SLC35F4: variants seen among roughly 807,000 people sequenced by gnomAD.
SLC35F4 encodes solute carrier family 35 member F4, also known as chromosome 14 open reading frame 36.
SLC35F4 carries 24 observed loss-of-function variants against 44.2 expected under a neutral mutation model. The ratio of observed to expected loss-of-function variants is 0.54; its 90% CI spans 0.39 to 0.76. The LOEUF is 0.76. Among genes scored for constraint, SLC35F4 ranks in the 30% least tolerant of loss-of-function variants. The pLI is 0.00. For synonymous variants in SLC35F4, 238 were observed against 223.6 expected (o/e 1.06, Z -0.57); for missense variants, 562 against 586.1 (o/e 0.96, Z 0.42).
rs116877026 is a variant in SLC35F4, at chr14:57,592,124, T to C, written c.289+1815A>G. Among the ~76,000 whole-genome samples, 815 of 152,360 alleles carry C rather than the reference T, an allele frequency of 5.3e-3. 7 individuals are homozygous for C. Among genetic ancestry groups the C allele is most frequent in the Middle Eastern group, 0.017 (5 of 294 alleles). On this transcript the variant is annotated intron_variant, in intron 2 of 7. Transcript: ENST00000556826. The stretch of plus-strand genomic sequence containing the variant: ...TAGTCCTGCTTAGATTTTGTTATCA[T>C]TAAAATTGTTTTACCAGGATTCTAT...
At chr14:57,938,292 G>A (rs780376322) in intron 1 of SLC35F4, among the ~76,000 whole-genome samples, 2 of 152,028 alleles carry the variant, frequency 1.3e-5, no homozygotes, top group Non-Finnish European at 2.9e-5. Context: ...AAACAAAGGG[G>A]TAATATAAGA....
chr14:57,948,158 C>G (rs1283936280), intron 1 of SLC35F4, among the ~76,000 whole-genome samples: 1 of 152,128 alleles, frequency 6.6e-6, no homozygotes, highest in East Asian at 1.9e-4. Flanking sequence ...GTGAATCCAT[C>G]TGGTCCTGGA....
At chr14:57,729,774 G>A (rs1055315580) in intron 1 of SLC35F4, among the ~76,000 whole-genome samples, 2 of 152,138 alleles carry the variant, frequency 1.3e-5, no homozygotes, top group East Asian at 1.9e-4. Context: ...AGCACTAGCC[G>A]TTGCCTAGGA....
intron 1 of SLC35F4, among the ~76,000 whole-genome samples, chr14:57,834,470 G>A (rs1884702018): frequency 6.6e-6 from 1 of 152,158 alleles, no homozygotes; most frequent in African/African-American, 2.4e-5. Context: ...GCATTCCTTA[G>A]TTTGAAATAC....
intron 1 of SLC35F4, among the ~76,000 whole-genome samples, chr14:57,764,319 AAAAG>A (rs1478066557): frequency 6.6e-6 from 1 of 152,294 alleles, no homozygotes; most frequent in Middle Eastern, 3.4e-3. Flanking sequence ...TTCTAAAAAA[AAAAG>A]AGAGCCACTT....
intron 1 of SLC35F4, among the ~76,000 whole-genome samples, chr14:57,940,403 T>G (rs1194625316): frequency 6.6e-6 from 1 of 152,114 alleles, no homozygotes; most frequent in Non-Finnish European, 1.5e-5. Flanking sequence ...ACCCTAAAAT[T>G]GTTTTTTTTT....
chr14:57,850,928 A>T (rs890398867), intron 1 of SLC35F4, among the ~76,000 whole-genome samples: 1 of 152,262 alleles, frequency 6.6e-6, no homozygotes, highest in East Asian at 1.9e-4. Context: ...ATGAAATAAT[A>T]TGACATTAAT....
chr14:57,935,478 G>A (rs1414038455), intron 1 of SLC35F4, among the ~76,000 whole-genome samples: 1 of 152,184 alleles, frequency 6.6e-6, no homozygotes, highest in Non-Finnish European at 1.5e-5. Context: ...GGATTCCAAG[G>A]CATTAAAGTG....
intron 1 of SLC35F4, among the ~76,000 whole-genome samples, chr14:57,605,344 A>G (rs930893808): frequency 1.3e-4 from 20 of 152,220 alleles, no homozygotes; most frequent in African/African-American, 4.8e-4. Flanking sequence ...GCCAAGAAAT[A>G]CATGAAAAAA....
chr14:57,608,652 T>C (rs1397181111), intron 1 of SLC35F4, among the ~76,000 whole-genome samples: 1 of 151,910 alleles, frequency 6.6e-6, no homozygotes, highest in East Asian at 1.9e-4. Flanking sequence ...AGCAAACTCA[T>C]ACAGGAGGGG....
rs182120546 is a variant in SLC35F4, at chr14:57,607,853, G to A, written c.104-13729C>T. Among the ~76,000 whole-genome samples the A allele has an allele frequency of 1.3e-3, 193 of 152,276 alleles. 1 individual carries two copies. The highest frequency in any genetic ancestry group is 6.8e-3 in the Middle Eastern group (2 of 294). ...GAAGAGAGGTAGACTGAACAGTATC[G>A]CAGAGATGGAATGGATATAAATTGG... On this transcript the variant is annotated intron_variant, in intron 1 of 7. Transcript: ENST00000556826.
chr14:57,869,661 G>A (rs1888254762), upstream of SLC35F4, among the ~76,000 whole-genome samples: 1 of 152,186 alleles, frequency 6.6e-6, no homozygotes, highest in Non-Finnish European at 1.5e-5. Flanking sequence ...TTATAGTCAA[G>A]GGCCAATGTT....
intron 4 of SLC35F4, among the ~76,000 whole-genome samples, chr14:57,578,213 C>T (rs184881392): frequency 5.5e-4 from 82 of 150,392 alleles, no homozygotes; most frequent in Non-Finnish European, 9.7e-4. Context: ...TCCTGGGGAG[C>T]TAAGCATATG....
Position 57,733,268 on chromosome 14 carries a change from G to T in SLC35F4, c.103+132455C>A, listed in dbSNP as rs575474905. On this transcript the variant is annotated intron_variant, in intron 1 of 7. Transcript: ENST00000556826. ...TATTCATAAGTCAGGACAGAAATTC[G>T]ACTATGGATTTTTTCCTTTTATCTC... 2.0e-5 allele frequency among the ~76,000 whole-genome samples: 3 copies of T among 150,350 alleles called. No individual in the cohort carries two copies. The South Asian group carries it at 6.3e-4, about 31-fold the overall frequency.
intron 4 of SLC35F4, 84 bp from the exon 5 acceptor site, chr14:57,572,103 C>G: frequency 6.7e-7 from 1 of 1,501,968 alleles, no homozygotes; most frequent in Non-Finnish European, 9.0e-7. Flanking sequence ...CTGAAAGCTG[C>G]TAAGTACTTC....
downstream of SLC35F4, among the ~76,000 whole-genome samples, chr14:57,972,923 C>G (rs1043869006): frequency 3.9e-5 from 6 of 152,234 alleles, no homozygotes; most frequent in African/African-American, 1.4e-4. Context: ...GGAGAAGGCT[C>G]ACTGTGAGTT....
At chr14:57,680,820 A>T (rs1280072801) in intron 1 of SLC35F4, among the ~76,000 whole-genome samples, 3 of 152,118 alleles carry the variant, frequency 2.0e-5, no homozygotes, top group Non-Finnish European at 2.9e-5. Context: ...AAGGGATGTG[A>T]AGGACCTCTT....
At chr14:57,722,851 C>T (rs1198650361) in intron 1 of SLC35F4, among the ~76,000 whole-genome samples, 2 of 152,162 alleles carry the variant, frequency 1.3e-5, no homozygotes, top group African/African-American at 4.8e-5. Flanking sequence ...CATGGACCCT[C>T]AATCAATTTC....
chr14:57,575,716 G>C (rs757129512), intron 4 of SLC35F4, among the ~76,000 whole-genome samples: 2 of 152,126 alleles, frequency 1.3e-5, no homozygotes, highest in African/African-American at 4.8e-5. Flanking sequence ...GCATGGCCTC[G>C]TGAGCCAGCT....
Sources: allele counts gnomAD v4.1 joint callset (sites outside exome capture counted in the v4.1 genomes callset), GRCh38; gene constraint gnomAD v4.1.1; transcripts MANE v1.5; gene names NCBI Gene and HGNC (gene_info 2026-07-23, HGNC 2026-07-21).